Variants in SPEG observed in about 807,000 individuals in gnomAD.
SPEG encodes the protein striated muscle enriched protein kinase.
A neutral mutation model predicts 300.4 loss-of-function variants in SPEG; 114 were observed. The observed-to-expected ratio is 0.38, with a 90% CI of 0.33 to 0.44. SPEG has a LOEUF of 0.44. SPEG is among the 20% of genes least tolerant of loss of function. SPEG has a pLI of 1.00. For missense variants in SPEG, 4,201 were observed against 4,586.2 expected, an observed-to-expected ratio of 0.92 and a Z score of 2.43; for synonymous variants, 1,964 against 2,018.9, an observed-to-expected ratio of 0.97 and a Z score of 0.73.
At chr2:219,488,949 G>A (rs371835288) in intron 34 of SPEG, 49 bp downstream of exon 34, 1 of 1,593,318 alleles carries the variant, frequency 6.3e-7, no homozygotes, top group Non-Finnish European at 8.5e-7. Flanking sequence ...GGGGAGGGTA[G>A]AGGAGTCTGG....
rs534777736 is a variant in SPEG at position 219,473,307 on chromosome 2, C to T, written c.4148-197C>T. ...AGCTCAGGCTTTGGGATCGGGCCTG[C>T]TGGGGTCCAACCCCACAACCTCAGC... On this transcript the variant is annotated intron_variant, in intron 16 of 40. Coordinates refer to ENST00000312358, the MANE Select transcript of SPEG (RefSeq NM_005876.5). This position sits in a 1 kb window ranked among gnomAD's most constrained non-coding sequence, Gnocchi z 4.6. 4.0e-6 allele frequency: 3 copies of T among 743,758 alleles called. No individual in the cohort carries two copies. Among genetic ancestry groups the T allele is most frequent in the Non-Finnish European group, 6.5e-6 (3 of 460,224 alleles). The allele number at this position is 743,758 out of a possible 1,614,324, so 46.1% of individuals were successfully genotyped here.
rs1692503051 is a variant in SPEG at position 219,477,942 on chromosome 2, A to G, written c.4864A>G (p.Ser1622Gly). ...CTACTTGCGGCGCATAGTGGAGCGT[A>G]GCTCCGGCCTGGAGTTTGCGGCCAA... ...FSYLRRIVER[S>G]SGLEFAAKFI... The change falls in exon 22 of 41, where the codon AGC (serine) becomes GGC (glycine). Residue 1622 changes from serine to glycine, a missense_variant. By Grantham distance (56) the Ser-to-Gly change is moderately conservative. This residue lies in a region of SPEG where 1,047 missense variants were observed against 1,356.8 expected (regional missense o/e 0.77). Transcript: ENST00000312358. The surrounding 1 kb of genome is among the most constrained non-coding windows in gnomAD (Gnocchi z 6.4). 6.2e-7 allele frequency: 1 copy of G among 1,614,154 alleles called. No homozygotes were observed. Among genetic ancestry groups the G allele is most frequent in the Non-Finnish European group, 8.5e-7 (1 of 1,180,026 alleles).
intron 6 of SPEG, chr2:219,460,551 C>T (rs554996533): frequency 3.7e-5 from 36 of 985,324 alleles, no homozygotes; most frequent in Middle Eastern, 5.2e-4. Flanking sequence ...GTCAAGGCAC[C>T]GCAGAGCGGG....
At position 219,464,606 on chromosome 2, in the gene SPEG, G is replaced by T; in HGVS notation, c.2879G>T (p.Arg960Leu). Residue 960 changes from arginine (R) to leucine (L), a missense_variant and splice_region_variant, in exon 9 of 41, where the codon CGA (arginine) becomes CTA (leucine). Transcript: ENST00000312358. This position sits in a 1 kb window ranked among gnomAD's most constrained non-coding sequence, Gnocchi z 4.5. ...ARQCEARLEV[R>L]AHPESRSLAV... ...CAGTGCGAGGCCCGCTTGGAGGTCC[G>T]AGGTGAGTACCTGATTTCTCCATGA... is the stretch of plus-strand genomic sequence containing the variant. 2 of 1,613,750 alleles carry T rather than the reference G, an allele frequency of 1.2e-6. No homozygotes were observed. Among genetic ancestry groups the T allele is most frequent in the Non-Finnish European group, 1.7e-6 (2 of 1,179,690 alleles).
chr2:219,444,967 C>CA lies in SPEG; in HGVS notation c.621_622insA (p.Leu208ThrfsTer30). Reference sequence around the variant, plus strand: ...CGGGCAGTGGGGGTGGCACCCGCCGCCTCCCGGGCAGCCCAAGGCAAGCAC... The same window carrying CA: ...CGGGCAGTGGGGGTGGCACCCGCCGCACTCCCGGGCAGCCCAAGGCAAGCAC... On this transcript the variant is annotated frameshift_variant, in exon 3 of 41. Coordinates refer to ENST00000312358, the MANE Select transcript of SPEG (RefSeq NM_005876.5). LOFTEE classifies it high-confidence loss of function. This position sits in a 1 kb window ranked among gnomAD's most constrained non-coding sequence, Gnocchi z 7.8. 2 of 1,604,746 alleles carry CA rather than the reference C, an allele frequency of 1.2e-6. No individual in the cohort carries two copies. Among genetic ancestry groups the CA allele is most frequent in the Non-Finnish European group, 1.7e-6 (2 of 1,175,520 alleles).
In SPEG at chr2:219,443,212, C is replaced by T; in HGVS notation, c.389-1441C>T. ...CCTACTCCTCCTCTTGGTCCCTGTCCCTCTGTGAGGCATCGAGTTCCTGAA... is the reference window on the plus strand; with the variant it reads ...CCTACTCCTCCTCTTGGTCCCTGTCTCTCTGTGAGGCATCGAGTTCCTGAA... On this transcript the variant is annotated intron_variant, in intron 1 of 40. Coordinates refer to ENST00000312358, the MANE Select transcript of SPEG (RefSeq NM_005876.5). The surrounding 1 kb of genome is among the most constrained non-coding windows in gnomAD (Gnocchi z 4.6). The T allele has an allele frequency of 6.6e-7, 1 of 1,509,908 alleles. No homozygotes were observed. The highest frequency in any genetic ancestry group is 9.2e-7 in the Non-Finnish European group (1 of 1,085,964). 93.5% of individuals were successfully genotyped at this position (1,509,908 alleles called of 1,614,324 possible).
In SPEG at chr2:219,473,402, TA is replaced by T; in HGVS notation, c.4148-97del. On this transcript the variant is annotated intron_variant, in intron 16 of 40. Transcript: ENST00000312358. The surrounding 1 kb of genome is among the most constrained non-coding windows in gnomAD (Gnocchi z 4.6). ...CTCTGAGCTTCAGCTTTCCCATCTG[TA>T]AAAACGGAACTCAAGTGTTGATGAG... 2 of 1,191,348 alleles carry T rather than the reference TA, an allele frequency of 1.7e-6. No homozygotes were observed. The highest frequency in any genetic ancestry group is 2.4e-6 in the Non-Finnish European group (2 of 820,884). The allele number at this position is 1,191,348 out of a possible 1,614,324, so 73.8% of individuals were successfully genotyped here. A position where few individuals can be genotyped will look rare whatever the true frequency, so the allele number is the denominator to read the frequency against.
chr2:219,477,433 G>T lies in SPEG; in HGVS notation c.4717G>T (p.Ala1573Ser). 6.3e-7 allele frequency: 1 copy of T among 1,588,840 alleles called. No homozygotes were observed. The highest frequency in any genetic ancestry group is 8.6e-7 in the Non-Finnish European group (1 of 1,167,162). Residue 1573 changes from alanine to serine, a missense_variant, in exon 20 of 41, where the codon GCT becomes TCT. This residue lies in a region of SPEG where 1,047 missense variants were observed against 1,356.8 expected (regional missense o/e 0.77). Coordinates refer to ENST00000312358, the MANE Select transcript of SPEG (RefSeq NM_005876.5). This position sits in a 1 kb window ranked among gnomAD's most constrained non-coding sequence, Gnocchi z 6.4. ...AGEVSCKAEL[A>S]VHSAQTAMEV... is the part of the protein sequence containing the mutation. ...TGAGGTCTCCTGCAAAGCAGAGTTG[G>T]CTGTGCATTCAGGTAGGCAGGAGTT... is the stretch of plus-strand genomic sequence containing the variant.
In SPEG at chr2:219,483,526, C is replaced by A; in HGVS notation, c.6063C>A (p.Pro2021=). Residue 2021 remains proline, a synonymous_variant, in exon 30 of 41, where the codon CCC becomes CCA. Coordinates refer to ENST00000312358, the MANE Select transcript of SPEG (RefSeq NM_005876.5). ...GCAGCTCGGCTGAGAGCGCCCTGCC[C>A]CGGGCCGGGCCGCGGGAGCTGGGCC... The part of the protein sequence containing the change: ...RRGSSAESAL[P]RAGPRELGRG... 7.1e-7 allele frequency: 1 copy of A among 1,406,538 alleles called. No individual in the cohort carries two copies. The highest frequency in any genetic ancestry group is 9.2e-7 in the Non-Finnish European group (1 of 1,092,718). 87.1% of individuals were successfully genotyped at this position (1,406,538 alleles called of 1,614,324 possible).
Position 219,479,415 on chromosome 2 carries a change from C to T in SPEG, c.5085+214C>T, listed in dbSNP as rs1692628660. On this transcript the variant is annotated intron_variant, in intron 23 of 40. Transcript: ENST00000312358. This position sits in a 1 kb window ranked among gnomAD's most constrained non-coding sequence, Gnocchi z 5.5. The stretch of plus-strand genomic sequence containing the variant: ...TTGTGCTATTCTCTCTAAATCTCAG[C>T]AAACCCACCCCAGCTCCTAACTGTT... Among the ~76,000 whole-genome samples the T allele has an allele frequency of 6.6e-6, 1 of 152,192 alleles. No individual in the cohort carries two copies. Among genetic ancestry groups the T allele is most frequent in the Non-Finnish European group, 1.5e-5 (1 of 68,042 alleles).
In SPEG at chr2:219,492,278, C is replaced by T. The variant is rs767731123; in HGVS notation, c.9611+18C>T. 2 of 1,605,444 alleles carry T rather than the reference C, an allele frequency of 1.2e-6. No individual in the cohort carries two copies. The highest frequency in any genetic ancestry group is 8.5e-7 in the Non-Finnish European group (1 of 1,173,930). Reference sequence around the variant, plus strand: ...CATCCCTGGTGAGTGAGCCCCACACCTGCTATCCCCCAGTGTTACCTGCCC... The same window carrying T: ...CATCCCTGGTGAGTGAGCCCCACACTTGCTATCCCCCAGTGTTACCTGCCC... On this transcript the variant is annotated intron_variant, in intron 40 of 40. Coordinates refer to ENST00000312358, the MANE Select transcript of SPEG (RefSeq NM_005876.5).
At chr2:219,467,779 G>T (rs781074615) in intron 10 of SPEG, among the ~76,000 whole-genome samples, 5 of 152,234 alleles carry the variant, frequency 3.3e-5, no homozygotes, top group Non-Finnish European at 5.9e-5. Flanking sequence ...AACAGGGATG[G>T]TGATCATTCC....
At position 219,464,627 on chromosome 2, in the gene SPEG, C is replaced by A. The variant is rs759006296; in HGVS notation, c.2881+19C>A. On this transcript the variant is annotated intron_variant, in intron 9 of 40. Coordinates refer to ENST00000312358, the MANE Select transcript of SPEG (RefSeq NM_005876.5). This position sits in a 1 kb window ranked among gnomAD's most constrained non-coding sequence, Gnocchi z 4.5. ...GTCCGAGGTGAGTACCTGATTTCTC[C>A]ATGAATGCCCACCTGGCCCTGGCCC... 3 of 1,609,548 alleles carry A rather than the reference C, an allele frequency of 1.9e-6. No individual in the cohort carries two copies. In the South Asian group the frequency reaches 3.3e-5, roughly 18 times the overall value.
At chr2:219,452,315 A>G (rs1689826895) in intron 6 of SPEG, among the ~76,000 whole-genome samples, 1 of 152,162 alleles carries the variant, frequency 6.6e-6, no homozygotes, top group Non-Finnish European at 1.5e-5. Flanking sequence ...GGGTACAGCC[A>G]AGAGCACTTC....
Position 219,473,971 on chromosome 2 carries a change from G to C in SPEG, c.4447+68G>C. The C allele has an allele frequency of 6.6e-7, 1 of 1,512,470 alleles. No individual in the cohort carries two copies. Among genetic ancestry groups the C allele is most frequent in the Non-Finnish European group, 8.9e-7 (1 of 1,121,450 alleles). The allele number at this position is 1,512,470 out of a possible 1,614,324, so 93.7% of individuals were successfully genotyped here. A position where few individuals can be genotyped will look rare whatever the true frequency, so the allele number is the denominator to read the frequency against. On this transcript the variant is annotated intron_variant, in intron 18 of 40. Coordinates refer to ENST00000312358, the MANE Select transcript of SPEG (RefSeq NM_005876.5). This position sits in a 1 kb window ranked among gnomAD's most constrained non-coding sequence, Gnocchi z 4.6. ...CAAAGCTCTCTACTCACACCCCCAG[G>C]TACACAACCTGCCTGACACTGCTGC...
At chr2:219,456,142 C>T (rs915254683) in intron 6 of SPEG, among the ~76,000 whole-genome samples, 1 of 152,258 alleles carries the variant, frequency 6.6e-6, no homozygotes, top group Non-Finnish European at 1.5e-5. Flanking sequence ...GGATATATAG[C>T]TCATCGAAGC....
chr2:219,468,078 C>T (rs988284150), intron 10 of SPEG, among the ~76,000 whole-genome samples: 4 of 152,178 alleles, frequency 2.6e-5, no homozygotes, highest in South Asian at 2.1e-4. Context: ...GAGGGTGCAT[C>T]GGGTCAACAT....
At chr2:219,460,115 G>A (rs566179444) in intron 6 of SPEG, among the ~76,000 whole-genome samples, 1 of 152,358 alleles carries the variant, frequency 6.6e-6, no homozygotes, top group African/African-American at 2.4e-5. Flanking sequence ...TGGGTGGCGG[G>A]CAAGTTGCCA....
chr2:219,471,326 T>C (rs1691854752), intron 13 of SPEG, among the ~76,000 whole-genome samples: 2 of 152,144 alleles, frequency 1.3e-5, no homozygotes, highest in Admixed American at 6.5e-5. Context: ...TTAGCCAGCA[T>C]CAAGATGCAG....
Sources: allele counts gnomAD v4.1 joint callset (sites outside exome capture counted in the v4.1 genomes callset), GRCh38; gene constraint gnomAD v4.1.1; regional missense constraint gnomAD v4.1.1; non-coding constraint Gnocchi (gnomAD v3.1); transcripts MANE v1.5; gene names NCBI Gene and HGNC (gene_info 2026-07-23, HGNC 2026-07-21).